LHFPL3: variants seen among roughly 807,000 people sequenced by gnomAD.
LHFPL3 encodes LHFPL tetraspan subfamily member 3 protein.
A neutral mutation model predicts 19.3 loss-of-function variants in LHFPL3; 5 were observed. The ratio of observed to expected loss-of-function variants is 0.26; its 90% CI spans 0.14 to 0.54. The LOEUF (loss-of-function observed/expected upper bound fraction) is 0.54. Ranked by LOEUF, LHFPL3 falls within the 20% of genes least tolerant of loss-of-function variation. The probability of loss-of-function intolerance (pLI) is 0.94; values close to 1 mark genes in which losing one functional copy is unlikely to be tolerated. For synonymous variants in LHFPL3, 133 were observed against 126.2 expected (o/e 1.05, Z -0.36); for missense variants, 249 against 307.4 (o/e 0.81, Z 1.42).
chr7:104,746,576 T>C (rs986611369), intron 2 of LHFPL3, among the ~76,000 whole-genome samples: 1 of 152,158 alleles, frequency 6.6e-6, no homozygotes, highest in African/African-American at 2.4e-5. Context: ...AATCACAGGC[T>C]AAAAAAATCA....
intron 1 of LHFPL3, among the ~76,000 whole-genome samples, chr7:104,340,768 C>T (rs915343452): frequency 6.6e-5 from 10 of 152,142 alleles, no homozygotes; most frequent in Admixed American, 1.3e-4. Context: ...ACACCAGGTT[C>T]AGTTAAGAGT....
chr7:104,693,860 T>G (rs1792951365), intron 1 of LHFPL3, among the ~76,000 whole-genome samples: 1 of 151,828 alleles, frequency 6.6e-6, no homozygotes, highest in South Asian at 2.1e-4. Flanking sequence ...CTCGATCTCC[T>G]GACCTCATGA....
intron 1 of LHFPL3, among the ~76,000 whole-genome samples, chr7:104,522,083 C>T (rs28821289): frequency 1.3e-5 from 2 of 152,018 alleles, no homozygotes; most frequent in Non-Finnish European, 2.9e-5. Flanking sequence ...AAGACACATG[C>T]ACACGTATGT....
intron 1 of LHFPL3, among the ~76,000 whole-genome samples, chr7:104,631,347 C>T (rs545718764): frequency 1.3e-5 from 2 of 151,434 alleles, no homozygotes; most frequent in African/African-American, 4.8e-5. Context: ...CAGCTATGTC[C>T]CCCCAACCCA....
chr7:104,878,657 G>C (rs927896348), intron 2 of LHFPL3, among the ~76,000 whole-genome samples: 1 of 152,172 alleles, frequency 6.6e-6, no homozygotes. Context: ...GTTTAAGTGA[G>C]AGGAAGAGTC....
intron 1 of LHFPL3, among the ~76,000 whole-genome samples, chr7:104,672,057 A>ATGTG (rs71968211): frequency 0.07 from 6,026 of 86,394 alleles, 142 homozygotes; most frequent in African/African-American, 0.083. Context: ...TTTAACTTCC[A>ATGTG]AGTGTGTGTG....
At chr7:104,589,126 T>A (rs1790648878) in intron 1 of LHFPL3, among the ~76,000 whole-genome samples, 1 of 152,184 alleles carries the variant, frequency 6.6e-6, no homozygotes, top group Non-Finnish European at 1.5e-5. Context: ...CTGATTGCCC[T>A]GGCCAGAACT....
At chr7:104,390,898 T>C (rs1368718875) in intron 1 of LHFPL3, among the ~76,000 whole-genome samples, 3 of 152,248 alleles carry the variant, frequency 2.0e-5, no homozygotes, top group African/African-American at 4.8e-5. Flanking sequence ...AGATGGTATC[T>C]CACTGTGGTT....
chr7:104,835,852 C>T (rs1165070759), intron 2 of LHFPL3, among the ~76,000 whole-genome samples: 1 of 151,834 alleles, frequency 6.6e-6, no homozygotes, highest in Non-Finnish European at 1.5e-5. Flanking sequence ...GTTTGCTGCA[C>T]TTATGAACCT....
At chr7:104,469,812 A>G (rs995081292) in intron 1 of LHFPL3, among the ~76,000 whole-genome samples, 1 of 152,226 alleles carries the variant, frequency 6.6e-6, no homozygotes, top group African/African-American at 2.4e-5. Flanking sequence ...TTGGTTAGAC[A>G]AAGGTAACAT....
Position 104,858,794 on chromosome 7 carries a change from T to C in LHFPL3, c.683-47393T>C, listed in dbSNP as rs1408805802. Among the ~76,000 whole-genome samples, 9 of 152,306 alleles carry C rather than the reference T, an allele frequency of 5.9e-5. 2 individuals are homozygous for C. The highest frequency in any genetic ancestry group is 5.2e-4 in the Admixed American group (8 of 15,304). Reference sequence around the variant, plus strand: ...TTGGGTCCCTCCAGAGGTTCGAGTCTGTCAATTACTTTTTTTTCTCCACAT... The same window carrying C: ...TTGGGTCCCTCCAGAGGTTCGAGTCCGTCAATTACTTTTTTTTCTCCACAT... On this transcript the variant is annotated intron_variant, in intron 2 of 2. Transcript: ENST00000424859.
intron 1 of LHFPL3, among the ~76,000 whole-genome samples, chr7:104,712,750 A>G (rs1793319992): frequency 6.6e-6 from 1 of 152,224 alleles, no homozygotes; most frequent in Non-Finnish European, 1.5e-5. Flanking sequence ...CTAGAGAACT[A>G]AAAGATAGTA....
chr7:104,808,271 G>C (rs890110781), intron 2 of LHFPL3, among the ~76,000 whole-genome samples: 1 of 152,110 alleles, frequency 6.6e-6, no homozygotes, highest in East Asian at 1.9e-4. Flanking sequence ...CTCTTACTTT[G>C]TATTCATTTT....
intron 1 of LHFPL3, among the ~76,000 whole-genome samples, chr7:104,507,075 T>C (rs1793713582): frequency 6.6e-6 from 1 of 152,154 alleles, no homozygotes; most frequent in South Asian, 2.1e-4. Context: ...ATAAAAGATA[T>C]CAAATTTTGT....
At chr7:104,404,603 A>G (rs1791379010) in intron 1 of LHFPL3, among the ~76,000 whole-genome samples, 1 of 152,214 alleles carries the variant, frequency 6.6e-6, no homozygotes, top group Admixed American at 6.5e-5. Context: ...TGAGCCATAA[A>G]AGTATAAGAC....
At chr7:104,501,760 G>T (rs1310878916) in intron 1 of LHFPL3, among the ~76,000 whole-genome samples, 1 of 152,162 alleles carries the variant, frequency 6.6e-6, no homozygotes, top group Non-Finnish European at 1.5e-5. Flanking sequence ...TTCTAGAAAT[G>T]ATAGATTCCA....
intron 1 of LHFPL3, among the ~76,000 whole-genome samples, chr7:104,331,012 T>C (rs1801557401): frequency 6.6e-6 from 1 of 152,216 alleles, no homozygotes; most frequent in South Asian, 2.1e-4. Flanking sequence ...ACTTTGCAGG[T>C]GCTTTCTCAA....
At chr7:104,829,476 C>T (rs1464737587) in intron 2 of LHFPL3, among the ~76,000 whole-genome samples, 1 of 151,720 alleles carries the variant, frequency 6.6e-6, no homozygotes, top group African/African-American at 2.4e-5. Context: ...GCTATCCCTC[C>T]CCCATCCCCC....
rs116917117 is a variant in LHFPL3, at chr7:104,687,851, T to C, written c.446-48824T>C. Among the ~76,000 whole-genome samples, 316 of 152,336 alleles carry C rather than the reference T, an allele frequency of 2.1e-3. 1 individual carries two copies. The highest frequency in any genetic ancestry group is 2.9e-3 in the Non-Finnish European group (198 of 68,034). ...AATGAGAATCTTATATTTCCTGATATTAAATTTCTACCCTCTAGCAGAATG... is the reference window on the plus strand; with the variant it reads ...AATGAGAATCTTATATTTCCTGATACTAAATTTCTACCCTCTAGCAGAATG... On this transcript the variant is annotated intron_variant, in intron 1 of 2. Coordinates refer to ENST00000424859, the MANE Select transcript of LHFPL3 (RefSeq NM_199000.3).
Sources: allele counts gnomAD v4.1 joint callset (sites outside exome capture counted in the v4.1 genomes callset), GRCh38; gene constraint gnomAD v4.1.1; transcripts MANE v1.5; gene names NCBI Gene and HGNC (gene_info 2026-07-23, HGNC 2026-07-21).